The following C21orf58 variants were observed in gnomAD, a reference collection of about 807,000 sequenced individuals.
The protein encoded by C21orf58 is chromosome 21 open reading frame 58.
Under a neutral mutation model 35.8 loss-of-function variants are expected in C21orf58, and 34 were observed. The observed-to-expected ratio is 0.95, with a 90% CI of 0.72 to 1.26. The LOEUF (loss-of-function observed/expected upper bound fraction) is 1.26, where lower values mean the gene tolerates loss of function less well. Among genes scored for constraint, C21orf58 ranks in the 50% most tolerant of loss-of-function variants. C21orf58 has a pLI of 0.00. For synonymous variants in C21orf58, 191 were observed against 175.8 expected, an observed-to-expected ratio of 1.09 and a Z score of -0.68; for missense variants, 440 against 414.3, an observed-to-expected ratio of 1.06 and a Z score of -0.54.
Position 46,317,253 on chromosome 21 carries a change from G to A in C21orf58, c.325C>T (p.Arg109Trp), listed in dbSNP as rs747209465. 30 of 1,611,748 alleles carry A rather than the reference G, an allele frequency of 1.9e-5. No homozygotes were observed. The highest frequency in any genetic ancestry group is 1.7e-4 in the South Asian group (15 of 90,860). The stretch of plus-strand genomic sequence containing the variant: ...TCAGGTCCCCCTTCCACGTTCTGCC[G>A]TTCTTGCTCCAGCTTCTGTGAGGAA... Reference protein sequence around the residue: ...KLLGQKLEQERQNVEGGPEGL... With the variant: ...KLLGQKLEQEWQNVEGGPEGL... The change falls in exon 3 of 8, where the codon CGG becomes TGG. Residue 109 changes from arginine (R) to tryptophan (W), a missense_variant. Arg to Trp is a moderately radical substitution (Grantham distance 101). Coordinates refer to ENST00000291691, the MANE Select transcript of C21orf58 (RefSeq NM_058180.5).
At position 46,301,724 on chromosome 21, in the gene C21orf58, G is replaced by A; in HGVS notation, c.*275C>T. The A allele has an allele frequency of 8.3e-7, 1 of 1,201,586 alleles. No homozygotes were observed. Among genetic ancestry groups the A allele is most frequent in the African/African-American group, 1.6e-5 (1 of 63,898 alleles). 74.4% of individuals were successfully genotyped at this position (1,201,586 alleles called of 1,614,324 possible). A position where few individuals can be genotyped will look rare whatever the true frequency, so the allele number is the denominator to read the frequency against. On this transcript the variant is annotated 3_prime_UTR_variant, in exon 8 of 8. Coordinates refer to ENST00000291691, the MANE Select transcript of C21orf58 (RefSeq NM_058180.5). Reference sequence around the variant, plus strand: ...TGGGCCGGCGCCGCCCTACAGGAAAGGAGGGGTCCCTGGGAGGGGCTGTTG... The same window carrying A: ...TGGGCCGGCGCCGCCCTACAGGAAAAGAGGGGTCCCTGGGAGGGGCTGTTG...
At chr21:46,321,625 G>A (rs1432398198) in intron 1 of C21orf58, among the ~76,000 whole-genome samples, 1 of 152,174 alleles carries the variant, frequency 6.6e-6, no homozygotes, top group Non-Finnish European at 1.5e-5. Context: ...GACTGGGACT[G>A]CAGGTTACAG....
At chr21:46,315,727 G>A (rs1206378052) in intron 3 of C21orf58, among the ~76,000 whole-genome samples, 180 bp from the exon 4 acceptor site, 2 of 152,176 alleles carry the variant, frequency 1.3e-5, no homozygotes, top group Non-Finnish European at 2.9e-5. Flanking sequence ...ACCAGTGTTG[G>A]GTAAGGAGGG....
intron 6 of C21orf58, among the ~76,000 whole-genome samples, chr21:46,308,025 G>A (rs974119339): frequency 6.6e-5 from 10 of 151,636 alleles, no homozygotes; most frequent in African/African-American, 1.5e-4. Flanking sequence ...ACAGAGTCTC[G>A]CTCTGTCACC....
intron 6 of C21orf58, among the ~76,000 whole-genome samples, chr21:46,307,613 A>G (rs1601656339): frequency 1.3e-5 from 2 of 152,346 alleles, no homozygotes; most frequent in South Asian, 2.1e-4. Context: ...ATGGATCACA[A>G]TAGGAAAGGT....
chr21:46,306,266 T>C (rs1340564040), intron 6 of C21orf58, among the ~76,000 whole-genome samples: 1 of 152,164 alleles, frequency 6.6e-6, no homozygotes, highest in Non-Finnish European at 1.5e-5. Flanking sequence ...CCCAGCACTT[T>C]GGGAGGCTGA....
chr21:46,302,353 G>A (rs1556336), intron 7 of C21orf58, 132 bp downstream of exon 7: 701,515 of 1,054,706 alleles, frequency 0.67, 238,744 homozygotes, highest in Non-Finnish European at 0.7. Flanking sequence ...TGGGGATGGG[G>A]GCTTCACAGC....
rs746400019 is a variant in C21orf58, at chr21:46,301,507, CTT to C, written c.*490_*491del. ...AGGTGTCCCTAGTTATTAAATTAGA[CTT>C]TGTGGTATTTTCCCCATCAGGATGT... On this transcript the variant is annotated 3_prime_UTR_variant, in exon 8 of 8. Transcript: ENST00000291691. 1.5e-5 allele frequency: 15 copies of C among 984,920 alleles called. No homozygotes were observed. Among genetic ancestry groups the C allele is most frequent in the Non-Finnish European group, 1.8e-5 (15 of 829,466 alleles). 61.0% of individuals were successfully genotyped at this position (984,920 alleles called of 1,614,324 possible). A position where few individuals can be genotyped will look rare whatever the true frequency, so the allele number is the denominator to read the frequency against.
chr21:46,307,188 G>A (rs543384186), intron 6 of C21orf58, among the ~76,000 whole-genome samples: 39 of 151,718 alleles, frequency 2.6e-4, no homozygotes, highest in South Asian at 2.3e-3. Flanking sequence ...GAGCCGCTGC[G>A]CCCAGCCAAG....
At position 46,302,089 on chromosome 21, in the gene C21orf58, G is replaced by GTGA. The variant is rs1236554228; in HGVS notation, c.878_879insTCA (p.His299dup). 1 of 1,535,062 alleles carries GTGA rather than the reference G, an allele frequency of 6.5e-7. No homozygotes were observed. Among genetic ancestry groups the GTGA allele is most frequent in the Admixed American group, 2.0e-5 (1 of 49,846 alleles). ...ACACAGCATGGTGGTGGTGGTGGTG[G>GTGA]TGGTGCACGGCAGGCAGCCTTGGCC... On this transcript the variant is annotated inframe_insertion, in exon 8 of 8. Transcript: ENST00000291691.
At chr21:46,313,059 A>C in intron 5 of C21orf58, 1 of 985,464 alleles carries the variant, frequency 1.0e-6, no homozygotes, top group Non-Finnish European at 1.2e-6. Context: ...AAAGGACGGC[A>C]GAGACCAAGA....
At position 46,322,983 on chromosome 21, in the gene C21orf58, A is replaced by T; in HGVS notation, c.-245T>A. The T allele has an allele frequency of 3.4e-6, 1 of 293,196 alleles. No individual in the cohort carries two copies. Among genetic ancestry groups the T allele is most frequent in the Non-Finnish European group, 6.3e-6 (1 of 159,996 alleles). 18.2% of individuals were successfully genotyped at this position (293,196 alleles called of 1,614,324 possible). On this transcript the variant is annotated 5_prime_UTR_variant, in exon 1 of 8. Coordinates refer to ENST00000291691, the MANE Select transcript of C21orf58 (RefSeq NM_058180.5). ...GAAGGCGCACGAACAGGCCCGGAGG[A>T]CTACAAAGAAACCCAGAAACCAGAC...
downstream of C21orf58, chr21:46,300,452 GAAAGA>G: frequency 4.7e-6 from 1 of 214,172 alleles, no homozygotes; most frequent in Non-Finnish European, 9.1e-6. Flanking sequence ...ATTTTTAATA[GAAAGA>G]AAGAAATGCC....
At chr21:46,315,031 T>G in intron 4 of C21orf58, 151 bp from the exon 5 acceptor site, 1 of 1,535,780 alleles carries the variant, frequency 6.5e-7, no homozygotes, top group Non-Finnish European at 8.8e-7. Context: ...TCCAGGGTTA[T>G]GTGCATGAGG....
chr21:46,301,004 C>T (rs562130315), downstream of C21orf58: 170 of 901,246 alleles, frequency 1.9e-4, 2 homozygotes, highest in African/African-American at 2.7e-3. Flanking sequence ...CACTGCCCAG[C>T]ACTCACCTTT....
In C21orf58 at chr21:46,301,175, T is replaced by A; in HGVS notation, c.*824A>T. ...TTTTATTTTTGAGACAGGGGCCTGC[T>A]CTGTGGTCCAGGCTATAGTGCAGTG... On this transcript the variant is annotated 3_prime_UTR_variant, in exon 8 of 8. Transcript: ENST00000291691. The A allele has an allele frequency of 1.4e-6, 1 of 740,628 alleles. No individual in the cohort carries two copies. The highest frequency in any genetic ancestry group is 1.7e-6 in the Non-Finnish European group (1 of 603,870). 45.9% of individuals were successfully genotyped at this position (740,628 alleles called of 1,614,324 possible).
Position 46,315,565 on chromosome 21 carries a change from C to T in C21orf58, c.371-18G>A. The stretch of plus-strand genomic sequence containing the variant: ...CTCATTTCCTGGAGGGAAGAACCTG[C>T]TTGCTTACCAAGGAACGCGTAGAGG... On this transcript the variant is annotated intron_variant, in intron 3 of 7. Transcript: ENST00000291691. 6.4e-7 allele frequency: 1 copy of T among 1,574,566 alleles called. No homozygotes were observed. Among genetic ancestry groups the T allele is most frequent in the Non-Finnish European group, 8.7e-7 (1 of 1,144,492 alleles).
chr21:46,317,508 T>C (rs1167912172), intron 2 of C21orf58, among the ~76,000 whole-genome samples: 1 of 152,124 alleles, frequency 6.6e-6, no homozygotes, highest in African/African-American at 2.4e-5. Flanking sequence ...ATGCTCTGAG[T>C]GGTCCCTTCA....
chr21:46,320,130 TTGCTCGTTGCCCAGGCTGGAG>T (rs1295403101), intron 1 of C21orf58, among the ~76,000 whole-genome samples: 1 of 151,750 alleles, frequency 6.6e-6, no homozygotes, highest in Non-Finnish European at 1.5e-5. Context: ...AGATGGAGTT[TTGCTCGTTGCCCAGGCTGGAG>T]TGCAGAGGTG....
Sources: allele counts gnomAD v4.1 joint callset (sites outside exome capture counted in the v4.1 genomes callset), GRCh38; gene constraint gnomAD v4.1.1; transcripts MANE v1.5; gene names NCBI Gene and HGNC (gene_info 2026-07-23, HGNC 2026-07-21).